Variants in ACP5 observed in about 807,000 individuals in gnomAD.
The protein encoded by ACP5 is tartrate-resistant acid phosphatase type 5.
Under a neutral mutation model 28.7 loss-of-function variants are expected in ACP5, and 24 were observed. That is an observed-to-expected ratio of 0.84 (90% confidence interval 0.61 to 1.18). The LOEUF is 1.18. Ranked by LOEUF, ACP5 falls within the 50% of genes most tolerant of loss-of-function variation. The pLI is 0.00. For missense variants in ACP5, 354 were observed against 422.2 expected (o/e 0.84, Z 1.42); for synonymous variants, 154 against 181.4 (o/e 0.85, Z 1.21).
intron 4 of ACP5, 40 bp from the exon 5 acceptor site, chr19:11,575,292 T>G: frequency 6.2e-7 from 1 of 1,612,184 alleles, no homozygotes; most frequent in East Asian, 2.2e-5. Context: ...GACCCAGCTT[T>G]GAGCAGAGCC....
At position 11,574,680 on chromosome 19, in the gene ACP5, T is replaced by C; in HGVS notation, c.*330A>G. 1 of 408,418 alleles carries C rather than the reference T, an allele frequency of 2.4e-6. No individual in the cohort carries two copies. Among genetic ancestry groups the C allele is most frequent in the Non-Finnish European group, 4.6e-6 (1 of 215,792 alleles). The allele number at this position is 408,418 out of a possible 1,614,324, so 25.3% of individuals were successfully genotyped here. A position where few individuals can be genotyped will look rare whatever the true frequency, so the allele number is the denominator to read the frequency against. ...ACTGGTTCAGCCTTGGCAACTATTC[T>C]TTTATTGAACATCAGTAACAGAAAG... On this transcript the variant is annotated 3_prime_UTR_variant, in exon 5 of 5. Coordinates refer to ENST00000648477, the MANE Select transcript of ACP5 (RefSeq NM_001611.5).
At chr19:11,578,541 G>A (rs1162565104), upstream of ACP5, 1 of 152,308 alleles carries the variant, frequency 6.6e-6, no homozygotes, top group Non-Finnish European at 1.5e-5. Context: ...AGCCTGGGAG[G>A]GCAGGAGGCC....
At chr19:11,576,893 C>T (rs1414825515) in intron 2 of ACP5, 50 bp from the exon 3 acceptor site, 1 of 1,613,588 alleles carries the variant, frequency 6.2e-7, no homozygotes, top group Non-Finnish European at 8.5e-7. Flanking sequence ...AGTGGCTATG[C>T]CGATCCTCCC....
chr19:11,576,690 G>A (rs746331116), intron 3 of ACP5, 26 bp downstream of exon 3: 31 of 1,613,894 alleles, frequency 1.9e-5, no homozygotes, highest in Middle Eastern at 1.6e-4. Context: ...TGAGGATCTC[G>A]GAAGGCAGGG....
chr19:11,577,640 G>T lies in ACP5; in HGVS notation c.-48C>A. On this transcript the variant is annotated 5_prime_UTR_variant, in exon 1 of 5. Transcript: ENST00000648477. This position sits in a 1 kb window ranked among gnomAD's most constrained non-coding sequence, Gnocchi z 5.7. ...CACCGGAGGCTCTGAGAGGCTGGTG[G>T]GCTCTAGAGTAGAACTGCCGGTCCC... is the stretch of plus-strand genomic sequence containing the variant. The T allele has an allele frequency of 2.0e-6, 1 of 493,864 alleles. No homozygotes were observed. Among genetic ancestry groups the T allele is most frequent in the Non-Finnish European group, 3.7e-6 (1 of 268,852 alleles). The allele number at this position is 493,864 out of a possible 1,614,324, so 30.6% of individuals were successfully genotyped here.
At chr19:11,575,463 C>A in intron 4 of ACP5, 1 of 601,064 alleles carries the variant, frequency 1.7e-6, no homozygotes, top group Non-Finnish European at 2.9e-6. Context: ...GTGGCTCATG[C>A]CTGTAATCCC....
chr19:11,578,317 C>T (rs139927262), upstream of ACP5: 2,066 of 152,404 alleles, frequency 0.014, 53 homozygotes, highest in Admixed American at 0.061. Context: ...CGCGTGTGTC[C>T]CCGTCCTCCC....
intron 4 of ACP5, chr19:11,575,473 C>G (rs1973100009): frequency 6.9e-6 from 4 of 577,092 alleles, no homozygotes; most frequent in Admixed American, 5.8e-5. Context: ...CCTGTAATCC[C>G]AGCACTTTGG....
chr19:11,576,433 C>A lies in ACP5; in HGVS notation c.545G>T (p.Arg182Leu). The A allele has an allele frequency of 6.2e-7, 1 of 1,613,840 alleles. No homozygotes were observed. Among genetic ancestry groups the A allele is most frequent in the Non-Finnish European group, 8.5e-7 (1 of 1,179,986 alleles). ...PERPRDVKLA[R>L]TQLSWLKKQL... ...TTTCTTGAGCCAGGACAGCTGTGTG[C>A]GGGCCAGCTTCACGTCTCGGGGCCT... Residue 182 changes from arginine to leucine, a missense_variant, in exon 4 of 5, where the codon CGC (arginine) becomes CTC (leucine). Arg to Leu is a moderately radical substitution (Grantham distance 102, BLOSUM62 -2). Transcript: ENST00000648477.
rs547037327 is a variant in ACP5 at position 11,574,947 on chromosome 19, C to G, written c.*63G>C. 1.8e-5 allele frequency: 29 copies of G among 1,603,484 alleles called. 1 individual carries two copies. Among genetic ancestry groups the G allele is most frequent in the Middle Eastern group, 3.7e-4 (2 of 5,404 alleles). On this transcript the variant is annotated 3_prime_UTR_variant, in exon 5 of 5. Transcript: ENST00000648477. ...GGAAAAGCCTGCCTGTGAGCAGGGTCCCGGCAGGGCCCACCCACCCAACAG... is the reference window on the plus strand; with the variant it reads ...GGAAAAGCCTGCCTGTGAGCAGGGTGCCGGCAGGGCCCACCCACCCAACAG...
chr19:11,576,236 C>A lies in ACP5; in HGVS notation c.735+7G>T, dbSNP rs1484884500. The A allele has an allele frequency of 5.0e-6, 8 of 1,603,074 alleles. No homozygotes were observed. In the East Asian group the frequency reaches 1.8e-4, roughly 36 times the overall value. ...CCCAGCTCCCACCCCACCCACAGGG[C>A]CCTCACCTGCAGATTGTGATCGTGG... On this transcript the variant is annotated splice_region_variant and intron_variant, in intron 4 of 4. Transcript: ENST00000648477.
rs764873917 is a variant in ACP5 at position 11,575,252 on chromosome 19, A to G, written c.736T>C (p.Tyr246His). The change falls in exon 5 of 5, where the codon TAC becomes CAC. Residue 246 changes from tyrosine (Y) to histidine (H), a missense_variant and splice_region_variant. Physicochemically the swap from Tyr to His is moderately conservative, Grantham distance 83. Transcript: ENST00000648477. ...YLCGHDHNLQ[Y>H]LQDENGVGYV... ...CCCACGCCATTCTCATCTTGCAGGT[A>G]CTGAGGATGGAGGACAAGGGGTCAG... 1.9e-6 allele frequency: 3 copies of G among 1,613,560 alleles called. No homozygotes were observed. The highest frequency in any genetic ancestry group is 1.1e-5 in the South Asian group (1 of 91,084).
Sources: gnomAD v4.1 joint callset for allele counts on GRCh38, gnomAD v4.1.1 for gene constraint, Gnocchi (gnomAD v3.1) non-coding constraint, MANE v1.5 for transcripts, NCBI Gene and HGNC (gene_info 2026-07-23, HGNC 2026-07-21) for gene names.